Variants in DENR observed in about 807,000 individuals in gnomAD.
DENR encodes density-regulated protein.
Under a neutral mutation model 30.6 loss-of-function variants are expected in DENR, and 6 were observed. The observed-to-expected ratio is 0.20, with a 90% CI of 0.11 to 0.39. DENR has a LOEUF of 0.39. DENR is among the 10% of genes least tolerant of loss of function. The pLI, the probability that DENR is intolerant of heterozygous loss-of-function variation, is 1.00. For synonymous variants in DENR, 78 were observed against 72.1 expected, an observed-to-expected ratio of 1.08 and a Z score of -0.41; for missense variants, 141 against 230.9, an observed-to-expected ratio of 0.61 and a Z score of 2.52.
At chr12:122,760,613 C>T (rs1878673227) in intron 2 of DENR, among the ~76,000 whole-genome samples, 1 of 152,158 alleles carries the variant, frequency 6.6e-6, no homozygotes, top group Non-Finnish European at 1.5e-5. Flanking sequence ...CACCTGTAGT[C>T]CCAGCTACTC....
intron 4 of DENR, chr12:122,763,244 GAA>G (rs11384734): frequency 2.6e-5 from 4 of 151,946 alleles, no homozygotes; most frequent in South Asian, 3.2e-4. Flanking sequence ...TACTAAAAAT[GAA>G]AAAAAAAAAA....
chr12:122,753,090 G>C (rs984727306), intron 1 of DENR, 140 bp downstream of exon 1: 7 of 154,120 alleles, frequency 4.5e-5, no homozygotes, highest in African/African-American at 1.7e-4. Flanking sequence ...GCGTCCCCGG[G>C]GTTGCTCCTT....
intron 5 of DENR, among the ~76,000 whole-genome samples, chr12:122,766,772 TA>T (rs1878861417): frequency 6.6e-6 from 1 of 152,226 alleles, no homozygotes; most frequent in African/African-American, 2.4e-5. Context: ...GCCTGTGGCC[TA>T]GTGGCCATTA....
chr12:122,756,446 A>G (rs1207133164), intron 2 of DENR, among the ~76,000 whole-genome samples: 1 of 152,092 alleles, frequency 6.6e-6, no homozygotes, highest in Non-Finnish European at 1.5e-5. Flanking sequence ...TCCATCCCAG[A>G]AAAAAAAGAA....
chr12:122,766,377 C>T (rs1258394950), intron 5 of DENR, among the ~76,000 whole-genome samples: 1 of 152,160 alleles, frequency 6.6e-6, no homozygotes, highest in Non-Finnish European at 1.5e-5. Context: ...TTCCTTCTGC[C>T]CTTTAAAAGT....
Position 122,767,541 on chromosome 12 carries a change from A to G in DENR, c.349A>G (p.Ile117Val), listed in dbSNP as rs1878880457. Residue 117 changes from isoleucine to valine, a missense_variant, in exon 6 of 8, where the codon ATA becomes GTA. This residue lies in a region of DENR where 104 missense variants were observed against 138.3 expected (regional missense o/e 0.75). Transcript: ENST00000280557. ...KKKTVPQKVTIAKIPRAKKKY... is the reference protein window; with the variant it reads ...KKKTVPQKVTVAKIPRAKKKY... ...GAAGACCGTACCACAAAAGGTTACT[A>G]TAGCCAAAATTCCCAGAGCAAAGAA... is the stretch of plus-strand genomic sequence containing the variant. 1 of 1,600,544 alleles carries G rather than the reference A, an allele frequency of 6.2e-7. No homozygotes were observed. Among genetic ancestry groups the G allele is most frequent in the South Asian group, 1.1e-5 (1 of 87,880 alleles).
At chr12:122,765,956 G>GC (rs1031264121) in intron 5 of DENR, among the ~76,000 whole-genome samples, 24 of 151,696 alleles carry the variant, frequency 1.6e-4, no homozygotes, top group Admixed American at 1.4e-3. Context: ...AACTCCTGGT[G>GC]CTGTGGATCC....
intron 4 of DENR, 138 bp downstream of exon 4, chr12:122,763,067 C>G: frequency 1.7e-6 from 1 of 604,646 alleles, no homozygotes. Flanking sequence ...TTTAAGTTCT[C>G]TCTGAGATAG....
chr12:122,759,666 A>C (rs1300006437), intron 2 of DENR, among the ~76,000 whole-genome samples: 1 of 152,234 alleles, frequency 6.6e-6, no homozygotes, highest in African/African-American at 2.4e-5. Flanking sequence ...GGTTGCAGCC[A>C]GCTGAGATGG....
At chr12:122,758,845 TA>T (rs1361666930) in intron 2 of DENR, among the ~76,000 whole-genome samples, 6,230 of 55,622 alleles carry the variant, frequency 0.11, 511 homozygotes, top group African/African-American at 0.31. Flanking sequence ...CTTAATTTTT[TA>T]TTTATTTATT....
rs1329220831 is a variant in DENR, at chr12:122,769,216, A to G, written c.*138A>G. On this transcript the variant is annotated 3_prime_UTR_variant, in exon 8 of 8. Transcript: ENST00000280557. ...TATATGTATGTATACACATATACAC[A>G]TGTATATATACATGTGTGTATGTAT... 5 of 838,800 alleles carry G rather than the reference A, an allele frequency of 6.0e-6. No individual in the cohort carries two copies. The highest frequency in any genetic ancestry group is 7.7e-6 in the Non-Finnish European group (5 of 652,336). 52.0% of individuals were successfully genotyped at this position (838,800 alleles called of 1,614,324 possible). A position where few individuals can be genotyped will look rare whatever the true frequency, so the allele number is the denominator to read the frequency against.
chr12:122,757,348 T>C (rs374194923), intron 2 of DENR, among the ~76,000 whole-genome samples: 12 of 152,188 alleles, frequency 7.9e-5, no homozygotes, highest in African/African-American at 2.4e-4. Flanking sequence ...TCCTGGAAAC[T>C]GAGCTTAACT....
chr12:122,758,698 C>T (rs1016796361), intron 2 of DENR, among the ~76,000 whole-genome samples: 1 of 151,860 alleles, frequency 6.6e-6, no homozygotes, highest in Admixed American at 6.6e-5. Flanking sequence ...TCCAGCTACT[C>T]GGAGGCTGTA....
chr12:122,758,158 G>A lies in DENR; in HGVS notation c.107-4029G>A, dbSNP rs896017644. 4.6e-5 allele frequency among the ~76,000 whole-genome samples: 7 copies of A among 152,156 alleles called. No homozygotes were observed. The East Asian group carries it at 9.7e-4, about 21-fold the overall frequency. On this transcript the variant is annotated intron_variant, in intron 2 of 7. Coordinates refer to ENST00000280557, the MANE Select transcript of DENR (RefSeq NM_003677.5). ...GTGATCTCGGCTCACTGCAACCTCC[G>A]CCTCCAGGGTTCAAGTGATTCTCCT... is the stretch of plus-strand genomic sequence containing the variant.
At chr12:122,759,658 T>A (rs938116320) in intron 2 of DENR, among the ~76,000 whole-genome samples, 22 of 151,762 alleles carry the variant, frequency 1.4e-4, no homozygotes, top group African/African-American at 5.3e-4. Context: ...GAGGTAGAGG[T>A]TGCAGCCAGC....
At position 122,769,138 on chromosome 12, in the gene DENR, A is replaced by C; in HGVS notation, c.*60A>C. 1.3e-6 allele frequency: 2 copies of C among 1,527,036 alleles called. No homozygotes were observed. Among genetic ancestry groups the C allele is most frequent in the Non-Finnish European group, 1.8e-6 (2 of 1,140,388 alleles). 94.6% of individuals were successfully genotyped at this position (1,527,036 alleles called of 1,614,324 possible). On this transcript the variant is annotated 3_prime_UTR_variant, in exon 8 of 8. Transcript: ENST00000280557. Reference sequence around the variant, plus strand: ...TGAGAGTTGATATGGCCAAAGGGAGAGAGGCCTTTTAAAATATATATATAT... The same window carrying C: ...TGAGAGTTGATATGGCCAAAGGGAGCGAGGCCTTTTAAAATATATATATAT...
At chr12:122,763,761 G>T (rs1026066197) in intron 4 of DENR, among the ~76,000 whole-genome samples, 8 of 152,198 alleles carry the variant, frequency 5.3e-5, no homozygotes, top group African/African-American at 1.9e-4. Context: ...GATTTTTATT[G>T]TAAGTGTACT....
At chr12:122,768,669 C>T (rs1878913234) in intron 6 of DENR, 113 bp from the exon 7 acceptor site, 1 of 939,146 alleles carries the variant, frequency 1.1e-6, no homozygotes, top group African/African-American at 1.7e-5. Context: ...GAATATAAAA[C>T]CCATTAACAA....
At chr12:122,767,242 C>T (rs1297292668) in intron 5 of DENR, among the ~76,000 whole-genome samples, 1 of 152,192 alleles carries the variant, frequency 6.6e-6, no homozygotes, top group Non-Finnish European at 1.5e-5. Context: ...TTACTCCCTT[C>T]ACTAGACTGA....
Sources: gnomAD v4.1 joint callset for allele counts (sites outside exome capture counted in the v4.1 genomes callset) on GRCh38, gnomAD v4.1.1 for gene constraint, gnomAD v4.1.1 regional missense constraint, MANE v1.5 for transcripts, NCBI Gene and HGNC (gene_info 2026-07-23, HGNC 2026-07-21) for gene names.